The following APBB2 variants were observed in gnomAD, a reference collection of about 807,000 sequenced individuals.
APBB2 encodes Fe65-like 1.
Under a neutral mutation model 82.5 loss-of-function variants are expected in APBB2, and 38 were observed. The observed-to-expected ratio is 0.46, with a 90% confidence interval of 0.36 to 0.60. The LOEUF (loss-of-function observed/expected upper bound fraction) is 0.60. Ranked by LOEUF, APBB2 falls within the 20% of genes least tolerant of loss-of-function variation. The pLI is 0.00. For synonymous variants in APBB2, 341 were observed against 368.2 expected (o/e 0.93, Z 0.85); for missense variants, 772 against 972.3 (o/e 0.79, Z 2.74).
At chr4:41,192,687 T>C (rs1560998727) in intron 1 of APBB2, among the ~76,000 whole-genome samples, 1 of 152,132 alleles carries the variant, frequency 6.6e-6, no homozygotes, top group Non-Finnish European at 1.5e-5. Context: ...AGCAGATATG[T>C]AGGATGAACA....
chr4:41,162,545 C>T (rs1159960139), intron 1 of APBB2, among the ~76,000 whole-genome samples: 2 of 152,152 alleles, frequency 1.3e-5, no homozygotes, highest in Non-Finnish European at 2.9e-5. Flanking sequence ...CACATACATG[C>T]TCATCATAAA....
intron 3 of APBB2, among the ~76,000 whole-genome samples, chr4:41,085,223 C>T (rs554836270): frequency 6.7e-6 from 1 of 148,738 alleles, no homozygotes; most frequent in Non-Finnish European, 1.5e-5. Context: ...TGCACTCCAG[C>T]CTGGGTGACA....
intron 6 of APBB2, among the ~76,000 whole-genome samples, chr4:40,978,181 T>C (rs1797650012): frequency 2.0e-5 from 3 of 152,232 alleles, no homozygotes; most frequent in Admixed American, 2.0e-4. Flanking sequence ...GTCAGCAAGC[T>C]TGCCCCAAAT....
chr4:41,125,345 G>A (rs1376092947), intron 2 of APBB2, among the ~76,000 whole-genome samples: 2 of 152,202 alleles, frequency 1.3e-5, no homozygotes, highest in Non-Finnish European at 2.9e-5. Flanking sequence ...ATGAAGAGGT[G>A]TGATTCACAT....
At chr4:40,843,882 G>C (rs1756710619) in intron 12 of APBB2, among the ~76,000 whole-genome samples, 1 of 152,232 alleles carries the variant, frequency 6.6e-6, no homozygotes, top group South Asian at 2.1e-4. Flanking sequence ...GAGTTTGACA[G>C]TAGGCTGCAG....
chr4:40,980,316 G>A (rs1409986586), intron 6 of APBB2, among the ~76,000 whole-genome samples: 3 of 152,148 alleles, frequency 2.0e-5, no homozygotes, highest in African/African-American at 4.8e-5. Flanking sequence ...GAGCCACTGC[G>A]CCTGGCCCTA....
chr4:40,878,036 T>G (rs1767366195), intron 12 of APBB2, among the ~76,000 whole-genome samples: 1 of 149,976 alleles, frequency 6.7e-6, no homozygotes, highest in East Asian at 1.9e-4. Flanking sequence ...CAAGACAGGG[T>G]GGGTGGCTGA....
chr4:41,095,407 T>A (rs1006045726), intron 3 of APBB2, among the ~76,000 whole-genome samples: 2 of 152,188 alleles, frequency 1.3e-5, no homozygotes, highest in African/African-American at 4.8e-5. Context: ...TCCAGGGCCC[T>A]GTCAGAACCT....
chr4:40,926,030 C>G (rs1441448937), intron 10 of APBB2, among the ~76,000 whole-genome samples: 1 of 152,150 alleles, frequency 6.6e-6, no homozygotes, highest in Non-Finnish European at 1.5e-5. Context: ...TTCACAAAAT[C>G]CAGTGCCAAT....
At chr4:40,995,347 G>A (rs1048040307) in intron 6 of APBB2, among the ~76,000 whole-genome samples, 1 of 151,988 alleles carries the variant, frequency 6.6e-6, no homozygotes, top group African/African-American at 2.4e-5. Context: ...AGTATTTCTC[G>A]AGAAGTTGAT....
At chr4:40,860,137 G>T (rs1287074484) in intron 12 of APBB2, among the ~76,000 whole-genome samples, 1 of 152,222 alleles carries the variant, frequency 6.6e-6, no homozygotes, top group Non-Finnish European at 1.5e-5. Context: ...GTACAGTGAA[G>T]AATTCAACCT....
intron 3 of APBB2, among the ~76,000 whole-genome samples, chr4:41,099,361 T>TGGG (rs1744594948): frequency 6.6e-6 from 1 of 152,148 alleles, no homozygotes; most frequent in Non-Finnish European, 1.5e-5. Context: ...TCCGAGTAGC[T>TGGG]GGGATTACAG....
chr4:40,917,763 A>ATG, intron 10 of APBB2, among the ~76,000 whole-genome samples: 1 of 152,224 alleles, frequency 6.6e-6, no homozygotes, highest in South Asian at 2.1e-4. Flanking sequence ...AAGCTTTGGA[A>ATG]TGATGAGGAG....
intron 6 of APBB2, among the ~76,000 whole-genome samples, chr4:41,000,045 A>G (rs1349705216): frequency 4.7e-5 from 6 of 127,420 alleles, no homozygotes; most frequent in East Asian, 4.9e-4. Flanking sequence ...GTGTGTGTGT[A>G]TGTATATGTA....
chr4:40,908,600 C>T (rs1054696913), intron 10 of APBB2, among the ~76,000 whole-genome samples: 2 of 152,126 alleles, frequency 1.3e-5, no homozygotes. Context: ...CTACACCCGG[C>T]TGGCACCGGA....
At position 40,843,181 on chromosome 4, in the gene APBB2, T is replaced by C. The variant is rs140656546; in HGVS notation, c.1530-12604A>G. ...CACAGAGCAACTAGACCGAAGAGCATGGAGCACTGGATAGATAACGAGGAG... is the reference window on the plus strand; with the variant it reads ...CACAGAGCAACTAGACCGAAGAGCACGGAGCACTGGATAGATAACGAGGAG... On this transcript the variant is annotated intron_variant, in intron 12 of 17. Coordinates refer to ENST00000508593, the MANE Select transcript of APBB2 (RefSeq NM_004307.2). 1.8e-4 allele frequency among the ~76,000 whole-genome samples: 27 copies of C among 152,290 alleles called. No individual in the cohort carries two copies. The East Asian group carries it at 5.0e-3, about 28-fold the overall frequency.
At chr4:40,987,477 T>C (rs1800696461) in intron 6 of APBB2, among the ~76,000 whole-genome samples, 1 of 152,250 alleles carries the variant, frequency 6.6e-6, no homozygotes, top group South Asian at 2.1e-4. Context: ...TATTGATTTG[T>C]GCCTAAAGGA....
rs528984410 is a variant in APBB2 at position 40,810,188 on chromosome 4, TACTTG to T, written c.*5899_*5903del. Reference sequence around the variant, plus strand: ...CTCTGATATTCTATTTTTACTTTCTTACTTGAAGTGAGAAAAGAGAATGGTGAATT... The same window carrying T: ...CTCTGATATTCTATTTTTACTTTCTTAAGTGAGAAAAGAGAATGGTGAATT... On this transcript the variant is annotated 3_prime_UTR_variant, in exon 18 of 18. Coordinates refer to ENST00000508593, the MANE Select transcript of APBB2 (RefSeq NM_004307.2). 98 of 152,352 alleles carry T rather than the reference TACTTG, an allele frequency of 6.4e-4. 1 individual carries two copies. Among genetic ancestry groups the T allele is most frequent in the Non-Finnish European group, 1.2e-3 (85 of 68,026 alleles). The allele number at this position is 152,352 out of a possible 1,614,324, so 9.4% of individuals were successfully genotyped here.
chr4:41,169,686 C>T (rs1332612349), intron 1 of APBB2, among the ~76,000 whole-genome samples: 5 of 152,172 alleles, frequency 3.3e-5, no homozygotes, highest in Admixed American at 6.5e-5. Flanking sequence ...ATGGTAAAAT[C>T]GTTCTTCTAA....
Sources: allele counts gnomAD v4.1 joint callset (sites outside exome capture counted in the v4.1 genomes callset), GRCh38; gene constraint gnomAD v4.1.1; transcripts MANE v1.5; gene names NCBI Gene and HGNC (gene_info 2026-07-23, HGNC 2026-07-21).